Variants in RBPJ observed in about 807,000 individuals in gnomAD.
RBPJ encodes the protein recombining binding protein suppressor of hairless.
Under a neutral mutation model 67.8 loss-of-function variants are expected in RBPJ, and 9 were observed. The ratio of observed to expected loss-of-function variants is 0.13; its 90% CI spans 0.08 to 0.23. The LOEUF (loss-of-function observed/expected upper bound fraction) is 0.23. RBPJ is among the 10% of genes least tolerant of loss of function. The probability of loss-of-function intolerance (pLI) is 1.00; values close to 1 mark genes in which losing one functional copy is unlikely to be tolerated. For missense variants in RBPJ, 305 were observed against 595.6 expected (o/e 0.51, Z 5.08); for synonymous variants, 198 against 203.3 (o/e 0.97, Z 0.22).
intron 1 of RBPJ, among the ~76,000 whole-genome samples, chr4:26,256,264 G>A (rs1222740574): frequency 6.6e-6 from 1 of 150,864 alleles, no homozygotes; most frequent in Admixed American, 6.6e-5. Flanking sequence ...AAATAGAAAT[G>A]GAATAGGAGA....
At chr4:26,398,070 TTGTG>T (rs10535928) in intron 2 of RBPJ, among the ~76,000 whole-genome samples, 45 of 150,730 alleles carry the variant, frequency 3.0e-4, no homozygotes, top group South Asian at 1.3e-3. Context: ...ACGAGTGATA[TTGTG>T]TGTGTGTGTG....
At chr4:26,189,613 G>A (rs2109138846) in intron 1 of RBPJ, among the ~76,000 whole-genome samples, 1 of 152,000 alleles carries the variant, frequency 6.6e-6, no homozygotes, top group African/African-American at 2.4e-5. Flanking sequence ...AGCCAAGATT[G>A]CACCACTGCA....
At chr4:26,297,170 C>T (rs971518724) in intron 1 of RBPJ, among the ~76,000 whole-genome samples, 1 of 152,240 alleles carries the variant, frequency 6.6e-6, no homozygotes, top group Middle Eastern at 3.4e-3. Flanking sequence ...GTGGCAGACA[C>T]CTGTAGTCCC....
chr4:26,319,932 C>T, upstream of RBPJ: 1 of 1,555,532 alleles, frequency 6.4e-7, no homozygotes. Flanking sequence ...CCTGCTGTTC[C>T]ATGCCCGGTG....
upstream of RBPJ, among the ~76,000 whole-genome samples, chr4:26,315,176 ATATATATATATATATATG>A (rs1370579272): frequency 8.9e-6 from 1 of 112,174 alleles, no homozygotes; most frequent in Non-Finnish European, 1.7e-5. Context: ...AAATATATAT[ATATATATATATATATATG>A]TATGTATATA....
chr4:26,179,518 T>C (rs1716907754), intron 1 of RBPJ, among the ~76,000 whole-genome samples: 1 of 151,980 alleles, frequency 6.6e-6, no homozygotes, highest in Non-Finnish European at 1.5e-5. Flanking sequence ...ACTTATGTAA[T>C]GTAATGAGTG....
intron 1 of RBPJ, among the ~76,000 whole-genome samples, chr4:26,251,217 T>C (rs80152240): frequency 0.028 from 4,210 of 152,274 alleles, 152 homozygotes; most frequent in African/African-American, 0.083. Flanking sequence ...CAAAGAGTAG[T>C]GGCAAACCTA....
At chr4:26,341,612 TCAAAA>T (rs755458641) in intron 1 of RBPJ, among the ~76,000 whole-genome samples, 11 of 150,808 alleles carry the variant, frequency 7.3e-5, no homozygotes, top group South Asian at 4.2e-4. Context: ...AGACTCCATC[TCAAAA>T]CAAAACAAAA....
intron 1 of RBPJ, among the ~76,000 whole-genome samples, chr4:26,249,889 G>T (rs567903282): frequency 4.4e-4 from 65 of 149,086 alleles, no homozygotes; most frequent in Non-Finnish European, 8.3e-4. Flanking sequence ...AGGTTCAAGC[G>T]ATTCTCCTGC....
At chr4:26,244,347 G>GTGTGTA (rs1719819307) in intron 1 of RBPJ, among the ~76,000 whole-genome samples, 2 of 150,948 alleles carry the variant, frequency 1.3e-5, no homozygotes, top group South Asian at 2.1e-4. Context: ...ACACATATGT[G>GTGTGTA]TGTATATATA....
intron 1 of RBPJ, among the ~76,000 whole-genome samples, chr4:26,200,518 G>C (rs1560207861): frequency 6.6e-6 from 1 of 152,006 alleles, no homozygotes; most frequent in Non-Finnish European, 1.5e-5. Flanking sequence ...AAAATAAGAA[G>C]AAATTAGCTG....
At chr4:26,403,210 G>C (rs950816597) in intron 2 of RBPJ, among the ~76,000 whole-genome samples, 1 of 147,762 alleles carries the variant, frequency 6.8e-6, no homozygotes, top group African/African-American at 2.5e-5. Flanking sequence ...TGGTGATCTT[G>C]TCCCAATTCA....
At chr4:26,392,732 T>A (rs1429082184) in intron 2 of RBPJ, among the ~76,000 whole-genome samples, 2 of 152,134 alleles carry the variant, frequency 1.3e-5, no homozygotes, top group African/African-American at 2.4e-5. Context: ...TTATTTTGAT[T>A]TTGGTGATGG....
chr4:26,117,818 TAAA>T, the RBPJ span, among the ~76,000 whole-genome samples: 1 of 152,094 alleles, frequency 6.6e-6, no homozygotes, highest in African/African-American at 2.4e-5. Context: ...TATTAGCACT[TAAA>T]ATAATTATTA....
At chr4:26,284,603 G>A (rs1034998034) in intron 1 of RBPJ, among the ~76,000 whole-genome samples, 4 of 151,780 alleles carry the variant, frequency 2.6e-5, no homozygotes, top group African/African-American at 9.7e-5. Flanking sequence ...CGAGTAGCTG[G>A]GATCACAGGC....
intron 1 of RBPJ, among the ~76,000 whole-genome samples, chr4:26,297,115 C>T (rs778524587): frequency 1.3e-5 from 2 of 152,046 alleles, no homozygotes; most frequent in African/African-American, 2.4e-5. Flanking sequence ...GGCAACACAG[C>T]GAGCCCCGGT....
chr4:26,296,513 T>G (rs1232891250), intron 1 of RBPJ, among the ~76,000 whole-genome samples: 1 of 152,200 alleles, frequency 6.6e-6, no homozygotes, highest in East Asian at 1.9e-4. Flanking sequence ...ATTTAATGAT[T>G]TATTCGCCGC....
At chr4:26,134,041 G>A in the RBPJ span, among the ~76,000 whole-genome samples, 1 of 151,122 alleles carries the variant, frequency 6.6e-6, no homozygotes, top group Non-Finnish European at 1.5e-5. Context: ...TTATCCTTAT[G>A]AGTAACCTAC....
intron 1 of RBPJ, among the ~76,000 whole-genome samples, chr4:26,298,932 T>C (rs1299382528): frequency 6.6e-6 from 1 of 151,850 alleles, no homozygotes; most frequent in African/African-American, 2.4e-5. Context: ...AAACTAACCA[T>C]TGAAGGCACA....
Sources: allele counts gnomAD v4.1 joint callset (sites outside exome capture counted in the v4.1 genomes callset), GRCh38; gene constraint gnomAD v4.1.1; transcripts MANE v1.5; gene names NCBI Gene and HGNC (gene_info 2026-07-23, HGNC 2026-07-21).